Variants in AGTPBP1 observed in about 807,000 individuals in gnomAD.
AGTPBP1 encodes cytosolic carboxypeptidase 1.
A neutral mutation model predicts 143.9 loss-of-function variants in AGTPBP1; 70 were observed. The ratio of observed to expected loss-of-function variants is 0.49; its 90% CI spans 0.40 to 0.59. AGTPBP1 has a LOEUF of 0.59. AGTPBP1 is among the 20% of genes least tolerant of loss of function. The probability of loss-of-function intolerance (pLI) is 0.00; values close to 1 mark genes in which losing one functional copy is unlikely to be tolerated. For missense variants in AGTPBP1, 1,229 were observed against 1,464.5 expected (o/e 0.84, Z 2.62); for synonymous variants, 463 against 500.2 (o/e 0.93, Z 0.99).
At chr9:85,657,999 A>G (rs574378883) in intron 9 of AGTPBP1, among the ~76,000 whole-genome samples, 1 of 152,296 alleles carries the variant, frequency 6.6e-6, no homozygotes, top group East Asian at 1.9e-4. Context: ...AATGAAATGT[A>G]TAAGCTTTCT....
chr9:85,608,037 A>G (rs758455260), intron 17 of AGTPBP1, among the ~76,000 whole-genome samples: 1 of 152,162 alleles, frequency 6.6e-6, no homozygotes, highest in South Asian at 2.1e-4. Context: ...AATAAATTCA[A>G]TAAGTAGCAC....
chr9:85,646,179 T>C (rs1354694146), intron 12 of AGTPBP1, 142 bp downstream of exon 12: 8 of 609,542 alleles, frequency 1.3e-5, no homozygotes, highest in African/African-American at 1.3e-4. Context: ...CATCTACCCC[T>C]TTAATTGCAT....
upstream of AGTPBP1, chr9:85,742,150 G>T (rs10120548): frequency 1.6e-3 from 1,077 of 677,414 alleles, 9 homozygotes; most frequent in African/African-American, 0.019. Flanking sequence ...CGCCTGACGG[G>T]AGGGAGCGCG....
chr9:85,732,732 G>A (rs1383958025), intron 1 of AGTPBP1, among the ~76,000 whole-genome samples: 2 of 152,192 alleles, frequency 1.3e-5, no homozygotes, highest in East Asian at 3.9e-4. Flanking sequence ...TTGTCTGCAG[G>A]AGACTTACTT....
intron 11 of AGTPBP1, among the ~76,000 whole-genome samples, chr9:85,651,247 A>G (rs1833145533): frequency 2.0e-5 from 3 of 152,196 alleles, no homozygotes. Flanking sequence ...CAAAGTGTCC[A>G]TAGTCTCCAA....
chr9:85,609,805 T>C (rs1009693762), intron 17 of AGTPBP1, among the ~76,000 whole-genome samples: 1 of 152,042 alleles, frequency 6.6e-6, no homozygotes, highest in African/African-American at 2.4e-5. Context: ...TAAATAATGA[T>C]AGCAACAAAT....
the AGTPBP1 span, among the ~76,000 whole-genome samples, chr9:85,763,544 T>C: frequency 1.3e-5 from 2 of 151,438 alleles, no homozygotes; most frequent in Admixed American, 6.6e-5. Flanking sequence ...ACTAGATAGT[T>C]CACCTATGAA....
intron 17 of AGTPBP1, among the ~76,000 whole-genome samples, chr9:85,598,599 T>C (rs772741623): frequency 1.8e-4 from 28 of 152,232 alleles, no homozygotes; most frequent in Non-Finnish European, 3.7e-4. Context: ...GTGGCCAGGG[T>C]TGTTGTGCTG....
chr9:85,646,237 A>G, intron 12 of AGTPBP1, 84 bp downstream of exon 12: 1 of 841,800 alleles, frequency 1.2e-6, no homozygotes, highest in South Asian at 1.6e-5. Flanking sequence ...CTAAAATTAC[A>G]TATATATTTA....
At chr9:85,643,232 T>G (rs12555440) in intron 12 of AGTPBP1, among the ~76,000 whole-genome samples, 12,841 of 152,136 alleles carry the variant, frequency 0.084, 996 homozygotes, top group East Asian at 0.46. Flanking sequence ...GACTCCATTA[T>G]GAAAAACATA....
intron 1 of AGTPBP1, among the ~76,000 whole-genome samples, chr9:85,731,820 A>AT (rs1244748415): frequency 6.6e-6 from 1 of 152,158 alleles, no homozygotes; most frequent in African/African-American, 2.4e-5. Flanking sequence ...ATTGTCATTA[A>AT]TTTTATCAAA....
At chr9:85,788,465 A>G in the AGTPBP1 span, among the ~76,000 whole-genome samples, 2 of 150,052 alleles carry the variant, frequency 1.3e-5, no homozygotes, top group Non-Finnish European at 3.0e-5. Flanking sequence ...GTGTTTGTAT[A>G]TCCATAGGTA....
At chr9:85,560,697 C>A (rs1262264355) in intron 25 of AGTPBP1, among the ~76,000 whole-genome samples, 2 of 151,852 alleles carry the variant, frequency 1.3e-5, no homozygotes, top group South Asian at 2.1e-4. Context: ...TCAGATAACA[C>A]CCAGTTAAAG....
the AGTPBP1 span, among the ~76,000 whole-genome samples, chr9:85,790,329 G>A: frequency 6.6e-6 from 1 of 152,142 alleles, no homozygotes; most frequent in African/African-American, 2.4e-5. Flanking sequence ...GCTGATAAAA[G>A]CAGGCTGACT....
intron 14 of AGTPBP1, among the ~76,000 whole-genome samples, chr9:85,628,259 CG>C (rs1831425160): frequency 6.6e-6 from 1 of 152,116 alleles, no homozygotes; most frequent in Admixed American, 6.5e-5. Flanking sequence ...ACAATGCAAT[CG>C]TTCTCAGGGC....
At chr9:85,705,745 C>CA (rs1564165445) in intron 2 of AGTPBP1, among the ~76,000 whole-genome samples, 1 of 151,980 alleles carries the variant, frequency 6.6e-6, no homozygotes, top group African/African-American at 2.4e-5. Context: ...GGCTGGAGTG[C>CA]AGTGGCATGA....
At chr9:85,602,239 T>TA (rs1829720139) in intron 17 of AGTPBP1, among the ~76,000 whole-genome samples, 1 of 151,352 alleles carries the variant, frequency 6.6e-6, no homozygotes, top group African/African-American at 2.4e-5. Context: ...AGATAAACAA[T>TA]ACAAAGAAAT....
chr9:85,610,040 C>T (rs1830222369), intron 17 of AGTPBP1, among the ~76,000 whole-genome samples: 1 of 152,118 alleles, frequency 6.6e-6, no homozygotes, highest in South Asian at 2.1e-4. Context: ...GGGGACTAAT[C>T]CATTCTAGGG....
rs1277880243 is a variant in AGTPBP1, at chr9:85,668,985, G to A, written c.662+500C>T. On this transcript the variant is annotated intron_variant, in intron 8 of 25. Transcript: ENST00000357081. Reference sequence around the variant, plus strand: ...TACATACATGTGTGTGTGTGTGTGTGTGTGTGTGTGTGTGTGTGTGTGTAT... The same window carrying A: ...TACATACATGTGTGTGTGTGTGTGTATGTGTGTGTGTGTGTGTGTGTGTAT... Among the ~76,000 whole-genome samples the A allele has an allele frequency of 1.6e-4, 14 of 85,036 alleles. No homozygotes were observed. The East Asian group carries it at 1.9e-3, about 11-fold the overall frequency. 55.8% of individuals were successfully genotyped at this position (85,036 alleles called of 152,430 possible). A position where few individuals can be genotyped will look rare whatever the true frequency, so the allele number is the denominator to read the frequency against.
Sources: gnomAD v4.1 joint callset for allele counts (sites outside exome capture counted in the v4.1 genomes callset) on GRCh38, gnomAD v4.1.1 for gene constraint, MANE v1.5 for transcripts, NCBI Gene and HGNC (gene_info 2026-07-23, HGNC 2026-07-21) for gene names.